Variants in ZNF362 observed in about 807,000 individuals in gnomAD.
ZNF362 encodes rotund homolog.
In ZNF362, 11 loss-of-function variants were observed where a neutral mutation model predicts 42.9. The ratio of observed to expected loss-of-function variants is 0.26; its 90% CI spans 0.16 to 0.42. The LOEUF (loss-of-function observed/expected upper bound fraction) is 0.42, where lower values mean the gene tolerates loss of function less well. Among genes scored for constraint, ZNF362 ranks in the 20% least tolerant of loss-of-function variants. The pLI, the probability that ZNF362 is intolerant of heterozygous loss-of-function variation, is 1.00. For synonymous variants in ZNF362, 255 were observed against 257.3 expected (o/e 0.99, Z 0.09); for missense variants, 362 against 576.2 (o/e 0.63, Z 3.81).
At chr1:33,234,610 C>CCTG in the ZNF362 span, among the ~76,000 whole-genome samples, 4 of 152,284 alleles carry the variant, frequency 2.6e-5, no homozygotes, top group East Asian at 7.7e-4. Context: ...GCAGGCCCTC[C>CCTG]CTGCTGCCTT....
At chr1:33,189,718 TACATACACACATAC>T in the ZNF362 span, among the ~76,000 whole-genome samples, 1 of 125,810 alleles carries the variant, frequency 7.9e-6, no homozygotes, top group Non-Finnish European at 1.6e-5. Flanking sequence ...CGTATATATA[TACATACACACATAC>T]ACATATATAT....
intron 2 of ZNF362, chr1:33,275,011 A>G (rs767014175): frequency 7.1e-6 from 7 of 985,424 alleles, no homozygotes; most frequent in Non-Finnish European, 8.4e-6. Context: ...GGGTTTCTCA[A>G]GCTCATAGAA....
the ZNF362 span, among the ~76,000 whole-genome samples, chr1:33,208,522 G>A: frequency 1.3e-5 from 2 of 152,204 alleles, no homozygotes; most frequent in East Asian, 3.9e-4. Flanking sequence ...ACCTTGTGCA[G>A]TATGGCCATT....
chr1:33,256,338 G>A (rs1181373945), upstream of ZNF362, among the ~76,000 whole-genome samples: 2 of 144,220 alleles, frequency 1.4e-5, no homozygotes, highest in African/African-American at 5.0e-5. Flanking sequence ...GGGGCCGGAC[G>A]GGCTGCGCAG....
rs183318015 is a variant in ZNF362 at position 33,292,223 on chromosome 1, T to C, written c.909-2714T>C. On this transcript the variant is annotated intron_variant, in intron 6 of 8. Transcript: ENST00000539719. ...GTGGGTTTGTCATAAATAGTTCTTA[T>C]TATTTTGAGATACGTCCCATCAATA... Among the ~76,000 whole-genome samples the C allele has an allele frequency of 3.3e-4, 51 of 152,350 alleles. No homozygotes were observed. In the East Asian group the frequency reaches 9.8e-3, roughly 29 times the overall value.
the ZNF362 span, among the ~76,000 whole-genome samples, chr1:33,193,167 G>A: frequency 6.6e-6 from 1 of 152,084 alleles, no homozygotes; most frequent in Non-Finnish European, 1.5e-5. Context: ...ATATAGCTGA[G>A]CTCAAAAGCT....
the ZNF362 span, among the ~76,000 whole-genome samples, chr1:33,154,574 C>T: frequency 4.0e-5 from 6 of 151,730 alleles, no homozygotes; most frequent in Non-Finnish European, 5.9e-5. Context: ...CCAAGGTGGG[C>T]GGATCACGAG....
intron 6 of ZNF362, among the ~76,000 whole-genome samples, chr1:33,286,069 C>CA (rs1047417666): frequency 6.7e-4 from 102 of 151,796 alleles, no homozygotes; most frequent in African/African-American, 2.3e-3. Flanking sequence ...TCTCAAAAAA[C>CA]AAAAAAACAA....
At chr1:33,141,250 C>T in the ZNF362 span, among the ~76,000 whole-genome samples, 1 of 151,998 alleles carries the variant, frequency 6.6e-6, no homozygotes, top group East Asian at 1.9e-4. Context: ...GATGTGGGAC[C>T]CTTCTCCTCT....
chr1:33,130,280 T>C, the ZNF362 span, among the ~76,000 whole-genome samples: 3 of 152,222 alleles, frequency 2.0e-5, no homozygotes, highest in Admixed American at 6.5e-5. Context: ...TTCCTCCCGT[T>C]GAGTATGGAT....
chr1:33,161,601 C>T, the ZNF362 span, among the ~76,000 whole-genome samples: 6 of 151,988 alleles, frequency 3.9e-5, no homozygotes, highest in Non-Finnish European at 8.8e-5. The surrounding 1 kb of genome is among the most constrained non-coding windows in gnomAD (Gnocchi z 4.3). Flanking sequence ...GGGGGGCGGA[C>T]GAGAGTCTGG....
At chr1:33,205,597 G>C in the ZNF362 span, among the ~76,000 whole-genome samples, 1 of 152,082 alleles carries the variant, frequency 6.6e-6, no homozygotes, top group Non-Finnish European at 1.5e-5. Context: ...CAGTAGTCAA[G>C]ATATTTTGGT....
At chr1:33,256,713 C>T (rs1025563819) in intron 1 of ZNF362, 59 bp downstream of exon 1, 6 of 145,018 alleles carry the variant, frequency 4.1e-5, no homozygotes, top group Non-Finnish European at 7.7e-5. Flanking sequence ...CGCCTGCCCG[C>T]GGGAAAGTTG....
chr1:33,189,639 A>ATATACG, the ZNF362 span, among the ~76,000 whole-genome samples: 1 of 14,056 alleles, frequency 7.1e-5, no homozygotes, highest in Non-Finnish European at 2.3e-4. Flanking sequence ...TCCAGCATAT[A>ATATACG]TATATATATA....
At chr1:33,216,447 A>G in the ZNF362 span, among the ~76,000 whole-genome samples, 5 of 146,512 alleles carry the variant, frequency 3.4e-5, no homozygotes, top group African/African-American at 1.2e-4. Flanking sequence ...TAAAAATACA[A>G]AAATTAGCCA....
chr1:33,256,548 GCCGGAGCCCGAGC>G lies in ZNF362; in HGVS notation c.-186_-174del. 1 of 148,420 alleles carries G rather than the reference GCCGGAGCCCGAGC, an allele frequency of 6.7e-6. No homozygotes were observed. Among genetic ancestry groups the G allele is most frequent in the African/African-American group, 2.4e-5 (1 of 40,958 alleles). 9.2% of individuals were successfully genotyped at this position (148,420 alleles called of 1,614,324 possible). A position where few individuals can be genotyped will look rare whatever the true frequency, so the allele number is the denominator to read the frequency against. The stretch of plus-strand genomic sequence containing the variant: ...GCGCGCGGCTCCGCAGCGAGCCAGA[GCCGGAGCCCGAGC>G]CCGGAGCCTGTGCCGGAGCCCCAGC... On this transcript the variant is annotated 5_prime_UTR_variant, in exon 1 of 9. Transcript: ENST00000539719.
the ZNF362 span, among the ~76,000 whole-genome samples, chr1:33,133,770 C>G: frequency 6.6e-6 from 1 of 152,186 alleles, no homozygotes; most frequent in South Asian, 2.1e-4. Context: ...TCCCACGACA[C>G]GGAGGAGGCA....
the ZNF362 span, among the ~76,000 whole-genome samples, chr1:33,174,434 T>G: frequency 2.0e-4 from 30 of 152,328 alleles, no homozygotes; most frequent in African/African-American, 6.7e-4. Flanking sequence ...TCCTCTTGCC[T>G]TGACCTCTCA....
At chr1:33,176,451 A>G in the ZNF362 span, 116 of 696,594 alleles carry the variant, frequency 1.7e-4, no homozygotes, top group Non-Finnish European at 2.5e-4. Flanking sequence ...CTTCTCTGGC[A>G]TGAAGGAAGC....
Sources: gnomAD v4.1 joint callset for allele counts (sites outside exome capture counted in the v4.1 genomes callset) on GRCh38, gnomAD v4.1.1 for gene constraint, Gnocchi (gnomAD v3.1) non-coding constraint, MANE v1.5 for transcripts, NCBI Gene and HGNC (gene_info 2026-07-23, HGNC 2026-07-21) for gene names.